Variants in SLC9A9 observed in about 807,000 individuals in gnomAD.
SLC9A9 encodes the protein solute carrier family 9 member A9, also known as sodium/hydrogen exchanger 9.
A neutral mutation model predicts 77.8 loss-of-function variants in SLC9A9; 62 were observed. The observed-to-expected ratio is 0.80, with a 90% CI of 0.65 to 0.98. SLC9A9 has a LOEUF of 0.98. SLC9A9 is among the 50% of genes least tolerant of loss of function. SLC9A9 has a pLI of 0.00. For synonymous variants in SLC9A9, 320 were observed against 283.5 expected (o/e 1.13, Z -1.29); for missense variants, 775 against 774.9 (o/e 1.00, Z 0.00).
At chr3:143,844,259 C>G (rs1287227091) in intron 1 of SLC9A9, among the ~76,000 whole-genome samples, 1 of 152,116 alleles carries the variant, frequency 6.6e-6, no homozygotes, top group Non-Finnish European at 1.5e-5. Context: ...TGCTTGATCA[C>G]TTTTCTCTGC....
chr3:143,673,670 A>C (rs1375734719), intron 5 of SLC9A9, among the ~76,000 whole-genome samples: 1 of 151,912 alleles, frequency 6.6e-6, no homozygotes, highest in Non-Finnish European at 1.5e-5. Context: ...TATCAGAGGA[A>C]CTATGATCTA....
chr3:143,752,747 G>C (rs2006777945), intron 4 of SLC9A9, among the ~76,000 whole-genome samples: 1 of 151,486 alleles, frequency 6.6e-6, no homozygotes, highest in Non-Finnish European at 1.5e-5. Flanking sequence ...GCTTAAGGCA[G>C]CTCAGTTTAG....
chr3:143,623,319 C>G (rs1196040042), intron 6 of SLC9A9, among the ~76,000 whole-genome samples: 1 of 152,230 alleles, frequency 6.6e-6, no homozygotes, highest in Non-Finnish European at 1.5e-5. Flanking sequence ...ACATTCTTCT[C>G]AGCACTACAC....
At chr3:143,439,201 A>G (rs1480807288) in intron 12 of SLC9A9, among the ~76,000 whole-genome samples, 2 of 152,186 alleles carry the variant, frequency 1.3e-5, no homozygotes, top group African/African-American at 4.8e-5. Context: ...AATCCTCCTC[A>G]GTGACCATGT....
At chr3:143,500,239 C>G (rs2035903383) in intron 9 of SLC9A9, among the ~76,000 whole-genome samples, 1 of 151,930 alleles carries the variant, frequency 6.6e-6, no homozygotes, top group Non-Finnish European at 1.5e-5. Context: ...TTTGTCATTC[C>G]ACCTACATTT....
intron 4 of SLC9A9, among the ~76,000 whole-genome samples, chr3:143,728,694 T>C (rs1001980916): frequency 7.9e-5 from 12 of 151,718 alleles, no homozygotes; most frequent in Admixed American, 7.2e-4. Context: ...AGAATGACAG[T>C]GTATTGGCTT....
chr3:143,337,364 C>T (rs1000006363), intron 14 of SLC9A9, among the ~76,000 whole-genome samples: 1 of 152,158 alleles, frequency 6.6e-6, no homozygotes, highest in Non-Finnish European at 1.5e-5. Flanking sequence ...ACCCGTATGT[C>T]ACCTGATAGG....
intron 14 of SLC9A9, among the ~76,000 whole-genome samples, chr3:143,352,273 A>C (rs2032477572): frequency 6.6e-6 from 1 of 152,250 alleles, no homozygotes; most frequent in Non-Finnish European, 1.5e-5. Flanking sequence ...AGGGGCAGTG[A>C]GGAAATAAAG....
intron 2 of SLC9A9, among the ~76,000 whole-genome samples, chr3:143,822,866 C>A (rs774563797): frequency 9.5e-4 from 144 of 152,348 alleles, no homozygotes; most frequent in Non-Finnish European, 1.4e-3. Flanking sequence ...TTCTCTCCCT[C>A]TCTCCCTGCC....
intron 4 of SLC9A9, among the ~76,000 whole-genome samples, chr3:143,736,078 T>C (rs1327829209): frequency 6.6e-6 from 1 of 152,230 alleles, no homozygotes; most frequent in East Asian, 1.9e-4. Flanking sequence ...CCCTTGTATA[T>C]GTTGTGTTCT....
chr3:143,733,756 A>T (rs1353537584), intron 4 of SLC9A9, among the ~76,000 whole-genome samples: 2 of 152,034 alleles, frequency 1.3e-5, no homozygotes, highest in Non-Finnish European at 2.9e-5. Context: ...CAGGATGTAG[A>T]TCTAGCCTTG....
chr3:143,737,977 T>A (rs1174286006), intron 4 of SLC9A9, among the ~76,000 whole-genome samples: 1 of 152,246 alleles, frequency 6.6e-6, no homozygotes, highest in Non-Finnish European at 1.5e-5. Context: ...TGAGAATGTA[T>A]GATGGATTTT....
At chr3:143,705,751 A>G (rs1368623901) in intron 4 of SLC9A9, among the ~76,000 whole-genome samples, 1 of 152,206 alleles carries the variant, frequency 6.6e-6, no homozygotes, top group Admixed American at 6.5e-5. Context: ...GCTGGGGAAC[A>G]TTGAAGGATG....
intron 12 of SLC9A9, among the ~76,000 whole-genome samples, chr3:143,408,092 C>T (rs948693271): frequency 1.3e-5 from 2 of 152,112 alleles, no homozygotes; most frequent in Non-Finnish European, 2.9e-5. Context: ...ACAGCACTCT[C>T]TTATAAGGAC....
chr3:143,842,281 T>C (rs2009727015), intron 1 of SLC9A9, among the ~76,000 whole-genome samples: 2 of 152,102 alleles, frequency 1.3e-5, no homozygotes. Flanking sequence ...CTCAGGAGGC[T>C]GAGGCAGGAG....
intron 13 of SLC9A9, among the ~76,000 whole-genome samples, chr3:143,365,125 A>G (rs191615906): frequency 2.1e-4 from 32 of 152,344 alleles, no homozygotes; most frequent in Admixed American, 2.6e-4. Flanking sequence ...TGTCTTTTGC[A>G]GGAACATGGA....
chr3:143,641,700 G>A (rs1014331062), intron 6 of SLC9A9, among the ~76,000 whole-genome samples: 12 of 152,106 alleles, frequency 7.9e-5, no homozygotes, highest in African/African-American at 2.4e-4. Flanking sequence ...GCCTGTTGTC[G>A]CAGTCTTTTG....
chr3:143,738,983 G>A (rs1170791328), intron 4 of SLC9A9, among the ~76,000 whole-genome samples: 1 of 152,014 alleles, frequency 6.6e-6, no homozygotes, highest in Non-Finnish European at 1.5e-5. Context: ...AGTTTTTATG[G>A]AGTCTCCAAG....
intron 12 of SLC9A9, among the ~76,000 whole-genome samples, chr3:143,447,928 C>T (rs532906409): frequency 4.2e-4 from 64 of 152,224 alleles, no homozygotes; most frequent in African/African-American, 1.4e-3. Flanking sequence ...CTGTCTCTTG[C>T]TCTATGCTTT....
Sources: allele counts gnomAD v4.1 joint callset (sites outside exome capture counted in the v4.1 genomes callset), GRCh38; gene constraint gnomAD v4.1.1; transcripts MANE v1.5; gene names NCBI Gene and HGNC (gene_info 2026-07-23, HGNC 2026-07-21).